The following CCDC171 variants were observed in gnomAD, a reference collection of about 807,000 sequenced individuals.
The protein encoded by CCDC171 is coiled-coil domain containing 171, also known as coiled-coil domain-containing protein 171.
A neutral mutation model predicts 168.2 loss-of-function variants in CCDC171; 177 were observed. That is an observed-to-expected ratio of 1.05 (90% CI 0.93 to 1.19). CCDC171 has a LOEUF of 1.19. CCDC171 is among the 50% of genes most tolerant of loss of function. CCDC171 has a pLI of 0.00. For synonymous variants in CCDC171, 687 were observed against 540.8 expected, an observed-to-expected ratio of 1.27 and a Z score of -3.75; for missense variants, 1,991 against 1,539.0, an observed-to-expected ratio of 1.29 and a Z score of -4.91.
intron 3 of CCDC171, among the ~76,000 whole-genome samples, chr9:16,001,789 T>C (rs985324622): frequency 3.3e-5 from 5 of 151,876 alleles, no homozygotes; most frequent in African/African-American, 9.7e-5. Flanking sequence ...GTATACTACA[T>C]AATACTTGGT....
At position 15,564,048 on chromosome 9, in the gene CCDC171, T is replaced by C; in HGVS notation, c.-41T>C. 1 of 1,508,486 alleles carries C rather than the reference T, an allele frequency of 6.6e-7. No individual in the cohort carries two copies. Among genetic ancestry groups the C allele is most frequent in the Non-Finnish European group, 9.2e-7 (1 of 1,091,646 alleles). The allele number at this position is 1,508,486 out of a possible 1,614,324, so 93.4% of individuals were successfully genotyped here. A position where few individuals can be genotyped will look rare whatever the true frequency, so the allele number is the denominator to read the frequency against. ...TAATCATCAAGAAAGAAATATGTCA[T>C]TAAGAAATAGCAGGGTATTTTGAAA... On this transcript the variant is annotated 5_prime_UTR_variant, in exon 2 of 26. Coordinates refer to ENST00000380701, the MANE Select transcript of CCDC171 (RefSeq NM_173550.4).
chr9:16,007,687 G>T (rs1447627953), intron 3 of CCDC171, among the ~76,000 whole-genome samples: 1 of 152,286 alleles, frequency 6.6e-6, no homozygotes, highest in South Asian at 2.1e-4. Context: ...TATTAATAGG[G>T]AATCCTTTCC....
intron 25 of CCDC171, among the ~76,000 whole-genome samples, chr9:15,925,952 A>C (rs1258293147): frequency 6.6e-6 from 1 of 151,676 alleles, no homozygotes; most frequent in Non-Finnish European, 1.5e-5. Flanking sequence ...ATAATCATTA[A>C]GTGGACATTA....
intron 24 of CCDC171, among the ~76,000 whole-genome samples, chr9:15,911,467 T>G (rs1191070836): frequency 6.6e-6 from 1 of 152,230 alleles, no homozygotes; most frequent in Admixed American, 6.5e-5. Context: ...GATGGATAGA[T>G]TGCAGTAATT....
chr9:15,575,520 C>T (rs186021486), intron 3 of CCDC171, among the ~76,000 whole-genome samples: 223 of 152,254 alleles, frequency 1.5e-3, no homozygotes, highest in African/African-American at 5.1e-3. Flanking sequence ...TAGGACTAAT[C>T]AGTAGGCTTT....
intron 11 of CCDC171, among the ~76,000 whole-genome samples, chr9:15,699,921 C>T (rs2051566762): frequency 2.0e-5 from 3 of 152,220 alleles, no homozygotes; most frequent in African/African-American, 4.8e-5. Flanking sequence ...TTTATATTCC[C>T]TGAGCTAGAC....
intron 21 of CCDC171, among the ~76,000 whole-genome samples, chr9:15,809,977 G>T (rs906826224): frequency 7.9e-5 from 12 of 152,122 alleles, no homozygotes; most frequent in African/African-American, 2.9e-4. Flanking sequence ...ACAGGGTGCC[G>T]ATTGGTGCAT....
chr9:16,005,171 A>C (rs560898699), intron 3 of CCDC171, among the ~76,000 whole-genome samples: 1 of 152,306 alleles, frequency 6.6e-6, no homozygotes, highest in Admixed American at 6.5e-5. Flanking sequence ...CTCCCACTCC[A>C]CCTGCCCTAG....
intron 3 of CCDC171, among the ~76,000 whole-genome samples, chr9:15,999,386 AGAAG>A (rs970245432): frequency 1.5e-4 from 21 of 142,916 alleles, no homozygotes; most frequent in East Asian, 1.1e-3. Context: ...GAGGAAGGAA[AGAAG>A]GAAGGAAGGA....
At chr9:16,015,842 A>G (rs965185533) in intron 3 of CCDC171, among the ~76,000 whole-genome samples, 1 of 152,218 alleles carries the variant, frequency 6.6e-6, no homozygotes, top group African/African-American at 2.4e-5. Flanking sequence ...TATTCTAAGT[A>G]TTCCAAATAA....
chr9:15,675,123 T>C (rs951965846), intron 9 of CCDC171, among the ~76,000 whole-genome samples: 3 of 152,138 alleles, frequency 2.0e-5, no homozygotes, highest in Admixed American at 1.3e-4. Context: ...AACGGCCTTC[T>C]TTGTCTCTTT....
intron 4 of CCDC171, among the ~76,000 whole-genome samples, chr9:15,583,911 A>T (rs2041344754): frequency 6.6e-6 from 1 of 152,118 alleles, no homozygotes; most frequent in Non-Finnish European, 1.5e-5. Context: ...TCTTTCGCCC[A>T]GGCTGGAGTG....
chr9:15,593,400 G>A (rs1021510437), intron 5 of CCDC171, among the ~76,000 whole-genome samples: 15 of 152,054 alleles, frequency 9.9e-5, no homozygotes, highest in Non-Finnish European at 2.2e-4. Context: ...AAACCCAAAA[G>A]GAAAGCATTT....
intron 5 of CCDC171, among the ~76,000 whole-genome samples, chr9:15,593,435 A>G (rs2042133503): frequency 6.6e-6 from 1 of 152,188 alleles, no homozygotes; most frequent in Non-Finnish European, 1.5e-5. Context: ...TATCTATAGA[A>G]CTAGAAATTA....
chr9:15,915,755 A>T lies in CCDC171; in HGVS notation c.3601-4515A>T, dbSNP rs537569323. ...ATAATGTTGGCTGTTGGTTTGTCAT[A>T]TAGGCCCTTTACTATGTTGAGGCCT... On this transcript the variant is annotated intron_variant, in intron 24 of 25. Transcript: ENST00000380701. Among the ~76,000 whole-genome samples, 10 of 152,296 alleles carry T rather than the reference A, an allele frequency of 6.6e-5. No homozygotes were observed. In the South Asian group the frequency reaches 2.1e-3, roughly 32 times the overall value.
chr9:15,993,451 G>A (rs2132920167), intron 3 of CCDC171, among the ~76,000 whole-genome samples: 1 of 152,186 alleles, frequency 6.6e-6, no homozygotes, highest in Non-Finnish European at 1.5e-5. Context: ...TTTCAAGATG[G>A]GTTAAAGACT....
At chr9:15,989,242 C>T (rs1301384690) in intron 3 of CCDC171, among the ~76,000 whole-genome samples, 1 of 152,102 alleles carries the variant, frequency 6.6e-6, no homozygotes, top group African/African-American at 2.4e-5. Context: ...TCCAGAGGAA[C>T]AATCAGGCAG....
chr9:15,619,795 A>T (rs982844905), intron 6 of CCDC171, among the ~76,000 whole-genome samples: 2 of 152,208 alleles, frequency 1.3e-5, no homozygotes, highest in Admixed American at 1.3e-4. Flanking sequence ...GTCAGTGCCC[A>T]GCTTTAATGC....
chr9:15,631,617 C>T (rs751220792), intron 7 of CCDC171, among the ~76,000 whole-genome samples: 26 of 152,322 alleles, frequency 1.7e-4, no homozygotes, highest in Admixed American at 6.5e-4. Context: ...ACCATTCCTT[C>T]TGAAACTATT....
Sources: allele counts gnomAD v4.1 joint callset (sites outside exome capture counted in the v4.1 genomes callset), GRCh38; gene constraint gnomAD v4.1.1; transcripts MANE v1.5; gene names NCBI Gene and HGNC (gene_info 2026-07-23, HGNC 2026-07-21).